Variants in ARL3 observed in about 807,000 individuals in gnomAD.
The protein encoded by ARL3 is ARF like GTPase 3.
In ARL3, 9 loss-of-function variants were observed where a neutral mutation model predicts 26.0. The observed-to-expected ratio is 0.35, with a 90% CI of 0.21 to 0.60. ARL3 has a LOEUF of 0.60. ARL3 is among the 20% of genes least tolerant of loss of function. ARL3 has a pLI of 0.78. For synonymous variants in ARL3, 71 were observed against 78.4 expected (o/e 0.91, Z 0.50); for missense variants, 158 against 215.7 (o/e 0.73, Z 1.67).
chr10:102,711,253 C>T (rs1034417303), intron 1 of ARL3, among the ~76,000 whole-genome samples: 2 of 151,920 alleles, frequency 1.3e-5, no homozygotes, highest in African/African-American at 2.4e-5. Context: ...TCCCACTTCA[C>T]CAGAGTCCTA....
chr10:102,698,751 A>G lies in ARL3; in HGVS notation c.264+622T>C, dbSNP rs138326535. Among the ~76,000 whole-genome samples the G allele has an allele frequency of 2.1e-3, 321 of 152,320 alleles. 3 individuals carry two copies. The highest frequency in any genetic ancestry group is 7.6e-3 in the African/African-American group (315 of 41,578). On this transcript the variant is annotated intron_variant, in intron 3 of 5. Transcript: ENST00000260746. Reference sequence around the variant, plus strand: ...CACTTGAATGAACGCTCCCTGAGTCAGGGTATTCCCAATGCACGAGGCAGC... The same window carrying G: ...CACTTGAATGAACGCTCCCTGAGTCGGGGTATTCCCAATGCACGAGGCAGC...
chr10:102,686,889 TTTTTTG>T (rs1185882812), intron 4 of ARL3, among the ~76,000 whole-genome samples: 1,612 of 131,820 alleles, frequency 0.012, 43 homozygotes, highest in African/African-American at 0.051. Flanking sequence ...TTTTTTTTTT[TTTTTTG>T]AGACGAGTCT....
At chr10:102,713,133 A>G (rs1395607106) in intron 1 of ARL3, among the ~76,000 whole-genome samples, 2 of 151,792 alleles carry the variant, frequency 1.3e-5, no homozygotes, top group East Asian at 3.9e-4. Flanking sequence ...AACATTTCTA[A>G]AAGTCAAGAA....
At chr10:102,689,206 T>C (rs1448097538) in intron 4 of ARL3, among the ~76,000 whole-genome samples, 1 of 152,018 alleles carries the variant, frequency 6.6e-6, no homozygotes, top group African/African-American at 2.4e-5. Context: ...ACGCCTGTAA[T>C]CCCAGCTACT....
chr10:102,713,760 C>A (rs1202694064), intron 1 of ARL3, among the ~76,000 whole-genome samples: 1 of 152,198 alleles, frequency 6.6e-6, no homozygotes, highest in South Asian at 2.1e-4. Context: ...CCCCCAGGGG[C>A]CCGCACAGCG....
chr10:102,679,431 G>A (rs2064144437), intron 5 of ARL3, among the ~76,000 whole-genome samples: 1 of 152,216 alleles, frequency 6.6e-6, no homozygotes, highest in South Asian at 2.1e-4. Context: ...CAAAGTAGGT[G>A]CTGGTGTTAT....
rs190089145 is a variant in ARL3, at chr10:102,699,527, T to C, written c.148-38A>G. 177 of 1,243,576 alleles carry C rather than the reference T, an allele frequency of 1.4e-4. No homozygotes were observed. The African/African-American group carries it at 1.8e-3, about 13-fold the overall frequency. 77.0% of individuals were successfully genotyped at this position (1,243,576 alleles called of 1,614,324 possible). A position where few individuals can be genotyped will look rare whatever the true frequency, so the allele number is the denominator to read the frequency against. ...CAAAAACATCAAGTTTTATTAAACTTTGGGATCATAATTCTGACAAAGTTA... is the reference window on the plus strand; with the variant it reads ...CAAAAACATCAAGTTTTATTAAACTCTGGGATCATAATTCTGACAAAGTTA... On this transcript the variant is annotated intron_variant, in intron 2 of 5. Coordinates refer to ENST00000260746, the MANE Select transcript of ARL3 (RefSeq NM_004311.4).
chr10:102,709,138 T>G (rs2064325407), intron 1 of ARL3, among the ~76,000 whole-genome samples: 2 of 151,662 alleles, frequency 1.3e-5, no homozygotes, highest in African/African-American at 4.8e-5. Flanking sequence ...ACTCCTGGCC[T>G]TAGGCAATCT....
chr10:102,707,974 C>T (rs973775456), intron 1 of ARL3, among the ~76,000 whole-genome samples: 17 of 151,872 alleles, frequency 1.1e-4, no homozygotes, highest in East Asian at 1.9e-4. Flanking sequence ...AATGTAGTGG[C>T]GTGAACACGG....
chr10:102,682,591 G>A (rs1378709485), intron 5 of ARL3, among the ~76,000 whole-genome samples: 1 of 152,208 alleles, frequency 6.6e-6, no homozygotes, highest in East Asian at 1.9e-4. Flanking sequence ...CTAATGAGAA[G>A]TGATGTACCT....
intron 1 of ARL3, among the ~76,000 whole-genome samples, chr10:102,713,363 CT>C (rs1177728437): frequency 6.6e-6 from 1 of 152,152 alleles, no homozygotes; most frequent in African/African-American, 2.4e-5. Flanking sequence ...TTTGGGAAAG[CT>C]TTAATTGGGA....
chr10:102,679,544 G>A (rs1234370322), intron 5 of ARL3, among the ~76,000 whole-genome samples: 1 of 152,202 alleles, frequency 6.6e-6, no homozygotes, highest in African/African-American at 2.4e-5. Context: ...AGTTCTCCAC[G>A]GATGTGGGTA....
intron 3 of ARL3, among the ~76,000 whole-genome samples, chr10:102,692,859 G>A (rs1222658711): frequency 2.0e-5 from 3 of 152,110 alleles, no homozygotes; most frequent in Admixed American, 1.3e-4. Context: ...ACAGGCGCCC[G>A]CCGGCACGCC....
intron 4 of ARL3, among the ~76,000 whole-genome samples, chr10:102,687,901 T>TC (rs1307785498): frequency 1.3e-5 from 2 of 152,102 alleles, no homozygotes; most frequent in Non-Finnish European, 2.9e-5. Flanking sequence ...TACCCAAGGT[T>TC]ATTACCTGCA....
intron 2 of ARL3, among the ~76,000 whole-genome samples, chr10:102,701,196 T>G (rs1314962295): frequency 6.6e-6 from 1 of 152,202 alleles, no homozygotes; most frequent in Non-Finnish European, 1.5e-5. Context: ...ACAAGAATTT[T>G]TTTTAAAGTC....
At chr10:102,694,224 C>T (rs1168339909) in intron 3 of ARL3, among the ~76,000 whole-genome samples, 2 of 151,978 alleles carry the variant, frequency 1.3e-5, no homozygotes, top group Admixed American at 6.5e-5. Context: ...CTCCTGACCT[C>T]GTGATCCTCC....
chr10:102,683,923 T>C (rs1383871478), intron 5 of ARL3, among the ~76,000 whole-genome samples: 1 of 152,224 alleles, frequency 6.6e-6, no homozygotes, highest in African/African-American at 2.4e-5. Flanking sequence ...ATACTGATTC[T>C]AGATTACTCT....
intron 2 of ARL3, among the ~76,000 whole-genome samples, chr10:102,703,162 G>A (rs1389366863): frequency 8.0e-6 from 1 of 125,642 alleles, no homozygotes; most frequent in Non-Finnish European, 1.6e-5. Context: ...TCACTCTGTC[G>A]CCAGGCTGGA....
rs777473368 is a variant in ARL3, at chr10:102,714,254, C to G, written c.3+19G>C. ...GGATAACCGGCCGGCTCCAAGGGGG[C>G]CCAGGCCCCCACACTCACCATCCTC... On this transcript the variant is annotated intron_variant, in intron 1 of 5. Coordinates refer to ENST00000260746, the MANE Select transcript of ARL3 (RefSeq NM_004311.4). 1 of 1,313,536 alleles carries G rather than the reference C, an allele frequency of 7.6e-7. No individual in the cohort carries two copies. Among genetic ancestry groups the G allele is most frequent in the Non-Finnish European group, 9.8e-7 (1 of 1,022,532 alleles). The allele number at this position is 1,313,536 out of a possible 1,614,324, so 81.4% of individuals were successfully genotyped here.
Sources: gnomAD v4.1 joint callset for allele counts (sites outside exome capture counted in the v4.1 genomes callset) on GRCh38, gnomAD v4.1.1 for gene constraint, MANE v1.5 for transcripts, NCBI Gene and HGNC (gene_info 2026-07-23, HGNC 2026-07-21) for gene names.